PMFBP1: variants seen among roughly 807,000 people sequenced by gnomAD.
PMFBP1 encodes the protein polyamine-modulated factor 1-binding protein 1.
PMFBP1 carries 131 observed loss-of-function variants against 137.8 expected under a neutral mutation model. The observed-to-expected ratio is 0.95, with a 90% CI of 0.82 to 1.10. The LOEUF is 1.10. PMFBP1 is among the 50% of genes least tolerant of loss of function. PMFBP1 has a pLI of 0.00. For missense variants in PMFBP1, 1,199 were observed against 1,175.4 expected (o/e 1.02, Z -0.29); for synonymous variants, 490 against 450.4 (o/e 1.09, Z -1.11).
upstream of PMFBP1, among the ~76,000 whole-genome samples, chr16:72,173,106 T>C (rs562120867): frequency 6.6e-6 from 1 of 152,246 alleles, no homozygotes; most frequent in African/African-American, 2.4e-5. Context: ...ACTGGAGGAG[T>C]GGCCTTTGCA....
downstream of PMFBP1, among the ~76,000 whole-genome samples, chr16:72,118,067 A>G (rs1393371530): frequency 6.6e-6 from 1 of 152,264 alleles, no homozygotes; most frequent in Non-Finnish European, 1.5e-5. Context: ...ACATTCAAAG[A>G]AACCAGAGAT....
intron 9 of PMFBP1, among the ~76,000 whole-genome samples, chr16:72,133,260 C>T (rs1487845054): frequency 6.6e-6 from 1 of 152,084 alleles, no homozygotes; most frequent in Non-Finnish European, 1.5e-5. Context: ...TCTTGGCTCA[C>T]TGCAATCTCC....
intron 14 of PMFBP1, 138 bp downstream of exon 14, chr16:72,128,519 G>C (rs769650972): frequency 6.4e-7 from 1 of 1,564,784 alleles, no homozygotes; most frequent in East Asian, 2.3e-5. Context: ...GAGGGAAGTA[G>C]AGCTGTAGGT....
At position 72,139,258 on chromosome 16, in the gene PMFBP1, C is replaced by T. The variant is rs2042678917; in HGVS notation, c.918+31G>A. On this transcript the variant is annotated intron_variant, in intron 7 of 20. Transcript: ENST00000237353. ...AATCAAACCCAGCTCAGCCCGATCCCAGTAGGCACAGATCAGCAAATTTCT... is the reference window on the plus strand; with the variant it reads ...AATCAAACCCAGCTCAGCCCGATCCTAGTAGGCACAGATCAGCAAATTTCT... 5 of 1,517,256 alleles carry T rather than the reference C, an allele frequency of 3.3e-6. No individual in the cohort carries two copies. In the Admixed American group the frequency reaches 6.7e-5, roughly 20 times the overall value. The allele number at this position is 1,517,256 out of a possible 1,614,324, so 94.0% of individuals were successfully genotyped here.
the PMFBP1 span, among the ~76,000 whole-genome samples, chr16:72,227,964 C>T: frequency 1.3e-5 from 2 of 152,138 alleles, no homozygotes; most frequent in African/African-American, 4.8e-5. Flanking sequence ...CACCTAAACG[C>T]CAAGTGAAAT....
At chr16:72,131,856 C>T (rs1282276220) in intron 10 of PMFBP1, among the ~76,000 whole-genome samples, 2 of 152,112 alleles carry the variant, frequency 1.3e-5, no homozygotes, top group African/African-American at 2.4e-5. Context: ...CTCCACCCCA[C>T]TTTTTATGAG....
At chr16:72,220,531 TC>T in the PMFBP1 span, among the ~76,000 whole-genome samples, 1 of 152,174 alleles carries the variant, frequency 6.6e-6, no homozygotes, top group Non-Finnish European at 1.5e-5. Context: ...AGCTTGGTTT[TC>T]CCCTATTTGA....
At chr16:72,211,576 C>A in the PMFBP1 span, among the ~76,000 whole-genome samples, 1 of 151,884 alleles carries the variant, frequency 6.6e-6, no homozygotes, top group Admixed American at 6.6e-5. Context: ...AGAAATAATG[C>A]AGAGAACAGA....
intron 10 of PMFBP1, 95 bp downstream of exon 10, chr16:72,132,653 G>C (rs953148479): frequency 3.1e-5 from 49 of 1,564,862 alleles, no homozygotes; most frequent in Non-Finnish European, 3.9e-5. Flanking sequence ...AGGAGGGCGA[G>C]GGGAAGTGGC....
upstream of PMFBP1, among the ~76,000 whole-genome samples, chr16:72,172,840 TA>T (rs1457928811): frequency 6.6e-6 from 1 of 152,268 alleles, no homozygotes; most frequent in East Asian, 1.9e-4. Flanking sequence ...GATGTGGACA[TA>T]AGGGAGCACA....
the PMFBP1 span, among the ~76,000 whole-genome samples, chr16:72,196,420 G>A: frequency 3.2e-4 from 49 of 151,966 alleles, no homozygotes; most frequent in Admixed American, 4.6e-4. Context: ...CATCTTTGAC[G>A]CTGCCTCCCC....
chr16:72,148,697 A>C (rs868225276), intron 5 of PMFBP1, among the ~76,000 whole-genome samples: 14 of 152,348 alleles, frequency 9.2e-5, no homozygotes, highest in Middle Eastern at 6.8e-3. Context: ...AAACCCAGTA[A>C]AAAATGAGTT....
In PMFBP1 at chr16:72,119,244, G is replaced by C. The variant is rs2042340211; in HGVS notation, c.*94C>G. ...CTGGGACCGTGATATACTCCTGTAA[G>C]AGCTGATCCAGGTCAAGAGAGAGGG... On this transcript the variant is annotated 3_prime_UTR_variant, in exon 21 of 21. Transcript: ENST00000237353. 7.1e-7 allele frequency: 1 copy of C among 1,402,218 alleles called. No individual in the cohort carries two copies. The highest frequency in any genetic ancestry group is 2.3e-5 in the East Asian group (1 of 43,742). The allele number at this position is 1,402,218 out of a possible 1,614,324, so 86.9% of individuals were successfully genotyped here. A position where few individuals can be genotyped will look rare whatever the true frequency, so the allele number is the denominator to read the frequency against.
rs34832584 is a variant in PMFBP1, at chr16:72,129,067, G to T, written c.1949C>A (p.Thr650Lys). 247,436 of 1,613,376 alleles carry T rather than the reference G, an allele frequency of 0.15. 21,118 individuals carry two copies. Among genetic ancestry groups the T allele is most frequent in the South Asian group, 0.19 (16,983 of 90,974 alleles). ...LRQEFKKKDK[T>K]LKENSRKLEE... is the part of the protein sequence containing the mutation. ...CTCTCCTGGGATTCTCCCACTCACC[G>T]TCTTGTCTTTCTTTTTAAATTCCTG... is the stretch of plus-strand genomic sequence containing the variant. Residue 650 changes from threonine to lysine, a missense_variant and splice_region_variant, in exon 13 of 21, where the codon ACG (threonine) becomes AAG (lysine). Transcript: ENST00000237353.
At chr16:72,236,083 G>A in the PMFBP1 span, among the ~76,000 whole-genome samples, 1 of 152,116 alleles carries the variant, frequency 6.6e-6, no homozygotes, top group Non-Finnish European at 1.5e-5. Context: ...TAGGGGGAAT[G>A]CATTTAGTCT....
At chr16:72,189,641 C>A in the PMFBP1 span, among the ~76,000 whole-genome samples, 11 of 152,214 alleles carry the variant, frequency 7.2e-5, no homozygotes, top group Admixed American at 1.3e-4. Context: ...CCAAGCCATT[C>A]TTTTGGAGAT....
the PMFBP1 span, among the ~76,000 whole-genome samples, chr16:72,184,295 C>T: frequency 6.6e-6 from 1 of 152,348 alleles, no homozygotes; most frequent in East Asian, 1.9e-4. Flanking sequence ...GCACAGCTCT[C>T]CATCTGGAGC....
chr16:72,145,547 G>T (rs1381053840), intron 5 of PMFBP1, among the ~76,000 whole-genome samples: 1 of 151,894 alleles, frequency 6.6e-6, no homozygotes, highest in African/African-American at 2.4e-5. Context: ...AACTGAAGGA[G>T]ATAGAGACAC....
the PMFBP1 span, among the ~76,000 whole-genome samples, chr16:72,239,371 T>C: frequency 6.6e-6 from 1 of 152,346 alleles, no homozygotes; most frequent in East Asian, 1.9e-4. Flanking sequence ...GTTAAGGCTT[T>C]TTACATGATA....
Sources: gnomAD v4.1 joint callset for allele counts (sites outside exome capture counted in the v4.1 genomes callset) on GRCh38, gnomAD v4.1.1 for gene constraint, MANE v1.5 for transcripts, NCBI Gene and HGNC (gene_info 2026-07-23, HGNC 2026-07-21) for gene names.